Variants in CELF2 observed in about 807,000 individuals in gnomAD.
CELF2 encodes the protein CUG triplet repeat RNA-binding protein 2.
In CELF2, 8 loss-of-function variants were observed where a neutral mutation model predicts 62.6. That is an observed-to-expected ratio of 0.13 (90% confidence interval 0.07 to 0.23). The LOEUF (loss-of-function observed/expected upper bound fraction) is 0.23, where lower values mean the gene tolerates loss of function less well. Ranked by LOEUF, CELF2 falls within the 10% of genes least tolerant of loss-of-function variation. The pLI is 1.00. For synonymous variants in CELF2, 258 were observed against 250.0 expected (o/e 1.03, Z -0.30); for missense variants, 333 against 671.0 (o/e 0.50, Z 5.56).
At chr10:11,094,308 C>T (rs1037506811) in intron 1 of CELF2, among the ~76,000 whole-genome samples, 1 of 152,198 alleles carries the variant, frequency 6.6e-6, no homozygotes, top group African/African-American at 2.4e-5. Flanking sequence ...CATTTGTAAG[C>T]ATGGCGTTGG....
chr10:10,700,627 A>C, the CELF2 span, among the ~76,000 whole-genome samples: 1 of 152,170 alleles, frequency 6.6e-6, no homozygotes, highest in Admixed American at 6.5e-5. Flanking sequence ...CCTTACTTCT[A>C]CTACTTTTAC....
chr10:10,648,005 A>G, the CELF2 span, among the ~76,000 whole-genome samples: 1 of 152,192 alleles, frequency 6.6e-6, no homozygotes, highest in African/African-American at 2.4e-5. Flanking sequence ...TTAGGATTCA[A>G]CTACAGATGT....
chr10:10,519,965 T>A, the CELF2 span, among the ~76,000 whole-genome samples: 1 of 152,202 alleles, frequency 6.6e-6, no homozygotes, highest in Non-Finnish European at 1.5e-5. Context: ...GCAGAGAGGA[T>A]GGCTGTCCTC....
the CELF2 span, among the ~76,000 whole-genome samples, chr10:10,484,810 A>T: frequency 4.6e-5 from 7 of 152,116 alleles, no homozygotes; most frequent in Non-Finnish European, 8.8e-5. Flanking sequence ...TGACATTCTT[A>T]ATTAGCACAA....
Position 11,329,938 on chromosome 10 carries a change from C to G in CELF2, c.*885C>G, listed in dbSNP as rs1425787380. ...TTTTTATACAAAATTTTTACTGCCT[C>G]AGAAATAATGGAAGTTATTTATTGC... On this transcript the variant is annotated 3_prime_UTR_variant, in exon 13 of 13. Transcript: ENST00000633077. This position sits in a 1 kb window ranked among gnomAD's most constrained non-coding sequence, Gnocchi z 5.5. 1.3e-5 allele frequency: 2 copies of G among 152,568 alleles called. No individual in the cohort carries two copies. Among genetic ancestry groups the G allele is most frequent in the African/African-American group, 4.8e-5 (2 of 41,438 alleles). 9.5% of individuals were successfully genotyped at this position (152,568 alleles called of 1,614,324 possible). A position where few individuals can be genotyped will look rare whatever the true frequency, so the allele number is the denominator to read the frequency against.
chr10:11,068,840 G>A (rs1486150488), intron 1 of CELF2, among the ~76,000 whole-genome samples: 4 of 152,164 alleles, frequency 2.6e-5, no homozygotes, highest in African/African-American at 4.8e-5. Context: ...GATTACAGGC[G>A]TGAGCCACCG....
At chr10:11,257,199 A>G (rs1244031009) in intron 4 of CELF2, among the ~76,000 whole-genome samples, 1 of 152,124 alleles carries the variant, frequency 6.6e-6, no homozygotes, top group Non-Finnish European at 1.5e-5. Context: ...GGATGAAGCT[A>G]TTTGAAACAG....
chr10:10,795,586 T>C (rs1262443208), upstream of CELF2, among the ~76,000 whole-genome samples: 1 of 152,184 alleles, frequency 6.6e-6, no homozygotes, highest in Admixed American at 6.5e-5. Context: ...ATTAATTGTC[T>C]TGATGGCCTA....
At chr10:10,779,949 G>T in the CELF2 span, among the ~76,000 whole-genome samples, 1 of 152,124 alleles carries the variant, frequency 6.6e-6, no homozygotes, top group South Asian at 2.1e-4. Context: ...ACTGCAGAAA[G>T]GTTTGGGTGG....
In CELF2 at chr10:11,273,948, C is replaced by T. The variant is rs113721375; in HGVS notation, c.778-1109C>T. Among the ~76,000 whole-genome samples the T allele has an allele frequency of 9.1e-4, 135 of 147,664 alleles. 1 individual carries two copies. Among genetic ancestry groups the T allele is most frequent in the African/African-American group, 3.3e-3 (129 of 39,672 alleles). On this transcript the variant is annotated intron_variant, in intron 7 of 12. Transcript: ENST00000633077. ...ATGTTGGCCAGGCTGGTCTCGAACT[C>T]CTAACCTCAAGTGATCCCCACCCCC...
At chr10:10,574,894 T>C in the CELF2 span, among the ~76,000 whole-genome samples, 1 of 131,960 alleles carries the variant, frequency 7.6e-6, no homozygotes, top group Non-Finnish European at 1.6e-5. Context: ...TTTTTTTTTT[T>C]TTTAATAGAG....
Position 11,314,094 on chromosome 10 carries a change from C to A in CELF2, c.977-45C>A. ...AGGATTTCCAGTCTCGGCTCTCACT[C>A]ACCTCGTGTCTTCTCTCCCCTTGTC... On this transcript the variant is annotated intron_variant, in intron 9 of 12. Coordinates refer to ENST00000633077, the MANE Select transcript of CELF2 (RefSeq NM_001326342.2). This position sits in a 1 kb window ranked among gnomAD's most constrained non-coding sequence, Gnocchi z 5.3. 1 of 1,571,854 alleles carries A rather than the reference C, an allele frequency of 6.4e-7. No homozygotes were observed.
At chr10:11,259,100 C>G (rs2079681983) in intron 5 of CELF2, among the ~76,000 whole-genome samples, 1 of 152,228 alleles carries the variant, frequency 6.6e-6, no homozygotes, top group African/African-American at 2.4e-5. Flanking sequence ...AACTTGGTTT[C>G]CTTCTCAATC....
chr10:10,969,403 T>G (rs1479398399), intron 2 of CELF2, among the ~76,000 whole-genome samples: 1 of 152,204 alleles, frequency 6.6e-6, no homozygotes, highest in African/African-American at 2.4e-5. Context: ...TTCCAGTAGA[T>G]GGAGAAGGCA....
At chr10:11,320,745 C>T (rs2095393239) in intron 10 of CELF2, 1 of 1,124,278 alleles carries the variant, frequency 8.9e-7, no homozygotes, top group South Asian at 1.4e-5. Context: ...CCTCCTCAGC[C>T]CTGCAAGCTA....
chr10:11,282,344 G>A (rs2089233808), intron 8 of CELF2, among the ~76,000 whole-genome samples: 1 of 152,206 alleles, frequency 6.6e-6, no homozygotes, highest in African/African-American at 2.4e-5. Context: ...CCAGGGAAGG[G>A]GCGGGGCTCT....
chr10:11,156,911 C>T lies in CELF2; in HGVS notation c.75-8575C>T, dbSNP rs1250386153. On this transcript the variant is annotated intron_variant, in intron 1 of 12. Transcript: ENST00000633077. This position sits in a 1 kb window ranked among gnomAD's most constrained non-coding sequence, Gnocchi z 4.3. ...AAAAGCTGATTGGAGGAAAAGAAGA[C>T]CGGAAGAGATGAACTTTAGGTGTGC... Among the ~76,000 whole-genome samples, 1 of 152,122 alleles carries T rather than the reference C, an allele frequency of 6.6e-6. No individual in the cohort carries two copies. Among genetic ancestry groups the T allele is most frequent in the Non-Finnish European group, 1.5e-5 (1 of 68,026 alleles).
chr10:11,283,472 G>A (rs2089726467), intron 8 of CELF2, among the ~76,000 whole-genome samples: 1 of 152,174 alleles, frequency 6.6e-6, no homozygotes, highest in Admixed American at 6.5e-5. Flanking sequence ...TAGATAGATG[G>A]ATGGGTGAGT....
At chr10:10,599,169 T>C in the CELF2 span, among the ~76,000 whole-genome samples, 1 of 152,208 alleles carries the variant, frequency 6.6e-6, no homozygotes, top group African/African-American at 2.4e-5. Context: ...TATTAATTAG[T>C]ATAAATTGAA....
Sources: allele counts gnomAD v4.1 joint callset (sites outside exome capture counted in the v4.1 genomes callset), GRCh38; gene constraint gnomAD v4.1.1; non-coding constraint Gnocchi (gnomAD v3.1); transcripts MANE v1.5; gene names NCBI Gene and HGNC (gene_info 2026-07-23, HGNC 2026-07-21).